CALN1: variants seen among roughly 807,000 people sequenced by gnomAD.
CALN1 encodes the protein calcium-binding protein 8.
In CALN1, 17 loss-of-function variants were observed where a neutral mutation model predicts 30.6. The observed-to-expected ratio is 0.56, with a 90% CI of 0.38 to 0.83. The LOEUF is 0.83. Among genes scored for constraint, CALN1 ranks in the 40% least tolerant of loss-of-function variants. The probability of loss-of-function intolerance (pLI) is 0.00; values close to 1 mark genes in which losing one functional copy is unlikely to be tolerated. For synonymous variants in CALN1, 156 were observed against 131.4 expected, an observed-to-expected ratio of 1.19 and a Z score of -1.28; for missense variants, 291 against 354.9, an observed-to-expected ratio of 0.82 and a Z score of 1.45.
At chr7:71,958,326 T>C (rs1042370136) in intron 5 of CALN1, among the ~76,000 whole-genome samples, 1 of 152,096 alleles carries the variant, frequency 6.6e-6, no homozygotes, top group Non-Finnish European at 1.5e-5. Context: ...CTCATACTGG[T>C]CTTGTTAAAA....
At position 72,180,828 on chromosome 7, in the gene CALN1, T is replaced by C. The variant is rs535990125; in HGVS notation, c.245-74534A>G. 9.9e-5 allele frequency among the ~76,000 whole-genome samples: 15 copies of C among 152,138 alleles called. No individual in the cohort carries two copies. In the South Asian group the frequency reaches 3.1e-3, roughly 32 times the overall value. ...AGATTTGGTACCTGGCCAAGCACGG[T>C]GGCTCACACCTATAATCCAAGCACT... On this transcript the variant is annotated intron_variant, in intron 3 of 6. Coordinates refer to ENST00000395275, the MANE Select transcript of CALN1 (RefSeq NM_031468.4).
chr7:71,927,665 G>A (rs1212889262), intron 5 of CALN1, among the ~76,000 whole-genome samples: 2 of 152,116 alleles, frequency 1.3e-5, no homozygotes, highest in African/African-American at 4.8e-5. Flanking sequence ...TTCTCTCAGT[G>A]ATAGATTGCT....
At position 72,397,712 on chromosome 7, in the gene CALN1, T is replaced by TCACACACACACACACACA. The variant is rs1248212217; in HGVS notation, c.119+5538_119+5539insTGTGTGTGTGTGTGTGTG. Among the ~76,000 whole-genome samples, 171 of 70,280 alleles carry TCACACACACACACACACA rather than the reference T, an allele frequency of 2.4e-3. 1 individual carries two copies. The highest frequency in any genetic ancestry group is 6.6e-3 in the Middle Eastern group (1 of 152). The allele number at this position is 70,280 out of a possible 152,430, so 46.1% of individuals were successfully genotyped here. ...GGGATCTTGGAGAGCACCCATTCTC[T>TCACACACACACACACACA]CTCACACACACACACACACACACAC... On this transcript the variant is annotated intron_variant, in intron 2 of 6. Coordinates refer to ENST00000395275, the MANE Select transcript of CALN1 (RefSeq NM_031468.4).
At chr7:72,214,815 A>G (rs1792660786) in intron 3 of CALN1, among the ~76,000 whole-genome samples, 1 of 151,872 alleles carries the variant, frequency 6.6e-6, no homozygotes, top group Admixed American at 6.6e-5. Context: ...GCAGCATTAG[A>G]TTCTCATAGG....
chr7:72,368,600 A>C (rs887206634), intron 2 of CALN1, among the ~76,000 whole-genome samples: 4 of 152,152 alleles, frequency 2.6e-5, no homozygotes, highest in African/African-American at 7.2e-5. Flanking sequence ...GAGAATGAAT[A>C]AAGTAACAAA....
chr7:72,316,584 T>G (rs1236946921), intron 2 of CALN1, among the ~76,000 whole-genome samples: 2 of 152,122 alleles, frequency 1.3e-5, no homozygotes, highest in East Asian at 3.9e-4. Context: ...GAATTTAATT[T>G]TCTTCTATTT....
intron 2 of CALN1, among the ~76,000 whole-genome samples, chr7:72,319,231 GA>G (rs926940691): frequency 6.6e-6 from 1 of 152,142 alleles, no homozygotes; most frequent in African/African-American, 2.4e-5. Flanking sequence ...ACATACCCGA[GA>G]CTGGACAATT....
At chr7:72,121,681 T>C (rs1049523065) in intron 3 of CALN1, among the ~76,000 whole-genome samples, 7 of 148,588 alleles carry the variant, frequency 4.7e-5, no homozygotes, top group East Asian at 2.0e-4. Context: ...ATTATCTATC[T>C]ACCCAGAAAC....
Position 71,914,840 on chromosome 7 carries a change from T to C in CALN1, c.502-104348A>G, listed in dbSNP as rs997036685. Among the ~76,000 whole-genome samples, 15 of 152,332 alleles carry C rather than the reference T, an allele frequency of 9.8e-5. No homozygotes were observed. In the South Asian group the frequency reaches 2.5e-3, roughly 25 times the overall value. On this transcript the variant is annotated intron_variant, in intron 5 of 6. Coordinates refer to ENST00000395275, the MANE Select transcript of CALN1 (RefSeq NM_031468.4). ...TTCCTATGATTGTTGGCCGCATGTA[T>C]GCCTTCTCTTGAAAAGTGTCTGTTC...
In CALN1 at chr7:72,342,258, CA is replaced by C. The variant is rs35193419; in HGVS notation, c.119+60992del. On this transcript the variant is annotated intron_variant, in intron 2 of 6. Coordinates refer to ENST00000395275, the MANE Select transcript of CALN1 (RefSeq NM_031468.4). Reference sequence around the variant, plus strand: ...TGGGTGAAAGACCAAGACTTTGTCTCAAAAAAAAAAAAAAAAAATCAGAAAC... The same window carrying C: ...TGGGTGAAAGACCAAGACTTTGTCTCAAAAAAAAAAAAAAAAATCAGAAAC... Among the ~76,000 whole-genome samples the C allele has an allele frequency of 9.9e-3, 1,259 of 126,592 alleles. 10 individuals are homozygous for C. Among genetic ancestry groups the C allele is most frequent in the African/African-American group, 0.024 (855 of 34,926 alleles). 83.0% of individuals were successfully genotyped at this position (126,592 alleles called of 152,430 possible).
At chr7:72,249,396 G>C (rs1285544426) in intron 3 of CALN1, among the ~76,000 whole-genome samples, 1 of 152,198 alleles carries the variant, frequency 6.6e-6, no homozygotes, top group Non-Finnish European at 1.5e-5. Flanking sequence ...CAGGGCTCAA[G>C]GAAGTCAAGA....
At chr7:71,801,907 G>A (rs1473399189) in intron 6 of CALN1, among the ~76,000 whole-genome samples, 1 of 152,016 alleles carries the variant, frequency 6.6e-6, no homozygotes, top group Non-Finnish European at 1.5e-5. Flanking sequence ...GAACCCAGGA[G>A]GTGGAGGTTG....
chr7:72,064,733 C>T (rs1206598763), intron 4 of CALN1, among the ~76,000 whole-genome samples: 62 of 152,096 alleles, frequency 4.1e-4, no homozygotes, highest in Non-Finnish European at 2.4e-4. Flanking sequence ...TAGGGATGCA[C>T]AACCAGTAAG....
chr7:72,270,597 C>A (rs1914388), intron 3 of CALN1, among the ~76,000 whole-genome samples: 54,274 of 151,702 alleles, frequency 0.36, 10,651 homozygotes, highest in Middle Eastern at 0.54. Flanking sequence ...CATAGTGACA[C>A]CCCATCTCTA....
chr7:72,406,424 C>A (rs532819315), intron 1 of CALN1, among the ~76,000 whole-genome samples: 80 of 152,066 alleles, frequency 5.3e-4, no homozygotes, highest in Non-Finnish European at 9.9e-4. Flanking sequence ...CCAAATTAAC[C>A]GGTTATCTCA....
At chr7:72,284,517 G>C (rs1585358554) in intron 2 of CALN1, among the ~76,000 whole-genome samples, 1 of 45,562 alleles carries the variant, frequency 2.2e-5, no homozygotes, top group Non-Finnish European at 6.6e-5. Flanking sequence ...TCCCCAGTGT[G>C]GGTGGGTCTC....
intron 3 of CALN1, among the ~76,000 whole-genome samples, chr7:72,224,555 A>G (rs1793534532): frequency 6.6e-6 from 1 of 152,130 alleles, no homozygotes; most frequent in Admixed American, 6.6e-5. Flanking sequence ...AGGCCAAGGC[A>G]GGTGAATTAC....
At chr7:71,842,746 C>T (rs1221342595) in intron 5 of CALN1, among the ~76,000 whole-genome samples, 1 of 152,102 alleles carries the variant, frequency 6.6e-6, no homozygotes, top group African/African-American at 2.4e-5. Flanking sequence ...GGCTTTGAAC[C>T]CCATAACTAT....
At chr7:72,249,369 G>A (rs1194187314) in intron 3 of CALN1, among the ~76,000 whole-genome samples, 1 of 152,184 alleles carries the variant, frequency 6.6e-6, no homozygotes, top group Non-Finnish European at 1.5e-5. Flanking sequence ...CCACTCTCCT[G>A]TGTGAGGTCA....
Sources: allele counts gnomAD v4.1 joint callset (sites outside exome capture counted in the v4.1 genomes callset), GRCh38; gene constraint gnomAD v4.1.1; transcripts MANE v1.5; gene names NCBI Gene and HGNC (gene_info 2026-07-23, HGNC 2026-07-21).